The following SNX9 variants were observed in gnomAD, a reference collection of about 807,000 sequenced individuals.
The protein encoded by SNX9 is sorting nexin-9.
A neutral mutation model predicts 89.4 loss-of-function variants in SNX9; 44 were observed. The ratio of observed to expected loss-of-function variants is 0.49; its 90% confidence interval spans 0.39 to 0.63. SNX9 has a LOEUF of 0.63. SNX9 is among the 30% of genes least tolerant of loss of function. SNX9 has a pLI of 0.00. For synonymous variants in SNX9, 236 were observed against 247.8 expected (o/e 0.95, Z 0.45); for missense variants, 578 against 736.1 (o/e 0.79, Z 2.49).
chr6:157,825,162 C>A (rs866211462), intron 1 of SNX9, among the ~76,000 whole-genome samples: 1 of 152,134 alleles, frequency 6.6e-6, no homozygotes, highest in African/African-American at 2.4e-5. Context: ...GCAGGAGAAT[C>A]GCTTGAACCC....
intron 14 of SNX9, 74 bp downstream of exon 14, chr6:157,936,114 T>C: frequency 1.6e-6 from 2 of 1,217,538 alleles, no homozygotes; most frequent in Non-Finnish European, 2.3e-6. Flanking sequence ...AAAACCTGTC[T>C]TAGGACAAAC....
At chr6:157,832,767 C>A (rs902710826) in intron 1 of SNX9, among the ~76,000 whole-genome samples, 1 of 152,272 alleles carries the variant, frequency 6.6e-6, no homozygotes, top group South Asian at 2.1e-4. Context: ...CCCCATGATT[C>A]AATTACCCCC....
At chr6:157,843,209 C>T (rs181138242) in intron 1 of SNX9, among the ~76,000 whole-genome samples, 42 of 152,116 alleles carry the variant, frequency 2.8e-4, no homozygotes, top group Middle Eastern at 3.4e-3. Context: ...GAAGAATTGA[C>T]GAAAATGAAA....
Position 157,921,563 on chromosome 6 carries a change from A to G in SNX9, c.982A>G (p.Met328Val). Reference sequence around the variant, plus strand: ...TGAAGAGGAATTTATCAAAATGCGCATGGAGAGACTTCAGGCCTGGATGAC... The same window carrying G: ...TGAAGAGGAATTTATCAAAATGCGCGTGGAGAGACTTCAGGCCTGGATGAC... The part of the protein sequence containing the change: ...RFEEEFIKMR[M>V]ERLQAWMTRM... The change falls in exon 10 of 18, where the codon ATG (methionine) becomes GTG (valine). Residue 328 changes from methionine (M) to valine (V), a missense_variant. By Grantham distance (21) the Met-to-Val change is conservative (BLOSUM62 1). Transcript: ENST00000392185. 6.2e-7 allele frequency: 1 copy of G among 1,614,106 alleles called. No individual in the cohort carries two copies.
chr6:157,928,657 G>C lies in SNX9; in HGVS notation c.1243G>C (p.Glu415Gln), dbSNP rs1203641129. 6 of 1,611,082 alleles carry C rather than the reference G, an allele frequency of 3.7e-6. No homozygotes were observed. The highest frequency in any genetic ancestry group is 4.2e-6 in the Non-Finnish European group (5 of 1,178,778). Reference sequence around the variant, plus strand: ...CAAGGCCATGGATGACGGCGTGAAGGAGCTGCTGACGGTGGGGCAGGAGCA... The same window carrying C: ...CAAGGCCATGGATGACGGCGTGAAGCAGCTGCTGACGGTGGGGCAGGAGCA... ...FTKAMDDGVK[E>Q]LLTVGQEHWK... Residue 415 changes from glutamate to glutamine, a missense_variant, in exon 12 of 18, where the codon GAG (glutamate) becomes CAG (glutamine). This residue lies in a region of SNX9 where 348 missense variants were observed against 491.4 expected (regional missense o/e 0.71). Transcript: ENST00000392185.
intron 1 of SNX9, among the ~76,000 whole-genome samples, chr6:157,840,414 T>TCTTTCTTTC (rs1554291566): frequency 4.5e-5 from 6 of 134,798 alleles, no homozygotes; most frequent in South Asian, 4.2e-4. Context: ...ATACTTTCTT[T>TCTTTCTTTC]CTTTCTTTTC....
intron 10 of SNX9, 144 bp from the exon 11 acceptor site, chr6:157,926,967 C>T (rs1783706484): frequency 3.2e-6 from 2 of 616,388 alleles, no homozygotes; most frequent in Non-Finnish European, 5.8e-6. Context: ...GTATTTAGTC[C>T]ATGGTGCAGA....
At chr6:157,844,599 TG>T (rs1418288817) in intron 1 of SNX9, among the ~76,000 whole-genome samples, 22 of 137,900 alleles carry the variant, frequency 1.6e-4, no homozygotes, top group African/African-American at 6.1e-4. Context: ...TTTTTTTTTT[TG>T]TTTTTTTTTT....
At chr6:157,840,429 T>TTTCCTTTCC (rs982801682) in intron 1 of SNX9, among the ~76,000 whole-genome samples, 7,782 of 112,566 alleles carry the variant, frequency 0.069, 683 homozygotes, top group African/African-American at 0.23. Context: ...CTTTTCTTTC[T>TTTCCTTTCC]TTTCTTTCCT....
chr6:157,825,055 C>G (rs1781315493), intron 1 of SNX9, among the ~76,000 whole-genome samples: 1 of 152,118 alleles, frequency 6.6e-6, no homozygotes, highest in Non-Finnish European at 1.5e-5. Context: ...CGAGACAAGC[C>G]TGGCCAATAT....
Position 157,896,833 on chromosome 6 carries a change from A to T in SNX9, c.307A>T (p.Ser103Cys). Reference protein sequence around the residue: ...SAASNNHQVGSGNDPWSAWSA... With the variant: ...SAASNNHQVGCGNDPWSAWSA... The stretch of plus-strand genomic sequence containing the variant: ...TTTTTACCCCTCTCAATAGGTTGGC[A>T]GTGGCAATGACCCCTGGTCAGCCTG... The change falls in exon 5 of 18, where the codon AGT becomes TGT. Residue 103 changes from serine (S) to cysteine (C), a missense_variant. Ser to Cys is a moderately radical substitution (Grantham distance 112). Transcript: ENST00000392185. The T allele has an allele frequency of 6.2e-7, 1 of 1,612,648 alleles. No homozygotes were observed. Among genetic ancestry groups the T allele is most frequent in the Non-Finnish European group, 8.5e-7 (1 of 1,179,694 alleles).
In SNX9 at chr6:157,823,506, G is replaced by T; in HGVS notation, c.12+60G>T. On this transcript the variant is annotated intron_variant, in intron 1 of 17. Coordinates refer to ENST00000392185, the MANE Select transcript of SNX9 (RefSeq NM_016224.5). This position sits in a 1 kb window ranked among gnomAD's most constrained non-coding sequence, Gnocchi z 4.6. ...TCAGGCCCGGGGCGGCGCGGAGAGG[G>T]TCGGGGCCGGGGCCGCGGGGAGGGT... is the stretch of plus-strand genomic sequence containing the variant. The T allele has an allele frequency of 8.6e-7, 1 of 1,159,710 alleles. No homozygotes were observed. Among genetic ancestry groups the T allele is most frequent in the East Asian group, 4.0e-5 (1 of 24,950 alleles). The allele number at this position is 1,159,710 out of a possible 1,614,324, so 71.8% of individuals were successfully genotyped here. A position where few individuals can be genotyped will look rare whatever the true frequency, so the allele number is the denominator to read the frequency against.
intron 4 of SNX9, among the ~76,000 whole-genome samples, chr6:157,883,188 G>A (rs992148288): frequency 6.6e-5 from 10 of 152,068 alleles, no homozygotes; most frequent in African/African-American, 1.9e-4. Context: ...GATCGTTAGC[G>A]ATTTTTAGCA....
chr6:157,825,301 AG>A (rs1178472446), intron 1 of SNX9, among the ~76,000 whole-genome samples: 1 of 152,158 alleles, frequency 6.6e-6, no homozygotes, highest in Non-Finnish European at 1.5e-5. Context: ...TTTATGACAT[AG>A]AGATCTGTCT....
intron 1 of SNX9, among the ~76,000 whole-genome samples, chr6:157,864,651 C>T (rs771587387): frequency 3.9e-5 from 6 of 152,128 alleles, no homozygotes; most frequent in Non-Finnish European, 5.9e-5. Context: ...TCTGAGGGCT[C>T]GCTTCCTTCC....
At chr6:157,920,184 T>C (rs1404016533) in intron 9 of SNX9, among the ~76,000 whole-genome samples, 2 of 152,206 alleles carry the variant, frequency 1.3e-5, no homozygotes, top group Admixed American at 6.5e-5. Flanking sequence ...TACCAGACCC[T>C]TTTGTGTCTC....
At chr6:157,857,266 T>C (rs1782031288) in intron 1 of SNX9, among the ~76,000 whole-genome samples, 1 of 152,146 alleles carries the variant, frequency 6.6e-6, no homozygotes, top group Non-Finnish European at 1.5e-5. Context: ...ACCAGTAGGC[T>C]TTGCTAGTAG....
At chr6:157,846,241 AATTTT>A (rs781626635) in intron 1 of SNX9, among the ~76,000 whole-genome samples, 25 of 152,226 alleles carry the variant, frequency 1.6e-4, no homozygotes, top group East Asian at 1.9e-4. Flanking sequence ...TAGCTCTTCA[AATTTT>A]ATTTTATTTT....
intron 4 of SNX9, among the ~76,000 whole-genome samples, chr6:157,891,573 A>G (rs374236412): frequency 2.6e-5 from 4 of 152,350 alleles, no homozygotes; most frequent in Admixed American, 1.3e-4. Flanking sequence ...CATCACATTT[A>G]AAATATTTGA....
Sources: allele counts gnomAD v4.1 joint callset (sites outside exome capture counted in the v4.1 genomes callset), GRCh38; gene constraint gnomAD v4.1.1; regional missense constraint gnomAD v4.1.1; non-coding constraint Gnocchi (gnomAD v3.1); transcripts MANE v1.5; gene names NCBI Gene and HGNC (gene_info 2026-07-23, HGNC 2026-07-21).